Variants in KLF8 observed in about 807,000 individuals in gnomAD.
KLF8 encodes the protein Krueppel-like factor 8.
KLF8 carries 10 observed loss-of-function variants against 18.2 expected under a neutral mutation model. The ratio of observed to expected loss-of-function variants is 0.55; its 90% CI spans 0.34 to 0.93. The LOEUF is 0.93. Ranked by LOEUF, KLF8 falls within the 40% of genes least tolerant of loss-of-function variation. The probability of loss-of-function intolerance (pLI) is 0.02; values close to 1 mark genes in which losing one functional copy is unlikely to be tolerated. For synonymous variants in KLF8, 109 were observed against 97.3 expected, an observed-to-expected ratio of 1.12 and a Z score of -0.71; for missense variants, 264 against 277.9, an observed-to-expected ratio of 0.95 and a Z score of 0.36.
chrX:56,000,767 G>T, the KLF8 span, among the ~76,000 whole-genome samples: 1 of 110,378 alleles, frequency 9.1e-6, no homozygotes, highest in Non-Finnish European at 1.9e-5. Flanking sequence ...TATAAATTTT[G>T]TTTATCTTTT....
chrX:56,023,671 C>T, the KLF8 span, among the ~76,000 whole-genome samples: 1 of 110,785 alleles, frequency 9.0e-6, no homozygotes. Flanking sequence ...CACAAACACT[C>T]CTTTGATTGT....
chrX:56,159,533 G>A, the KLF8 span, among the ~76,000 whole-genome samples: 2 of 111,614 alleles, frequency 1.8e-5, no homozygotes, highest in Non-Finnish European at 1.9e-5. Flanking sequence ...TTTTTTGGTT[G>A]GTAAGCTATT....
the KLF8 span, among the ~76,000 whole-genome samples, chrX:56,103,556 G>C: frequency 2.9e-4 from 32 of 111,496 alleles, no homozygotes; most frequent in African/African-American, 1.0e-3. Context: ...TTTGCACATT[G>C]ATTTTGTATC....
At chrX:55,991,926 C>T in the KLF8 span, among the ~76,000 whole-genome samples, 4 of 111,989 alleles carry the variant, frequency 3.6e-5, no homozygotes, top group East Asian at 1.1e-3. Context: ...CTGTTCATGT[C>T]TTTTGCTCAT....
the KLF8 span, among the ~76,000 whole-genome samples, chrX:56,065,566 T>C: frequency 6.3e-5 from 7 of 111,899 alleles, no homozygotes; most frequent in African/African-American, 1.6e-4. Context: ...TCATTGGATC[T>C]GTTGCTGGAA....
At chrX:56,173,643 T>C in the KLF8 span, among the ~76,000 whole-genome samples, 1 of 111,964 alleles carries the variant, frequency 8.9e-6, no homozygotes, top group Non-Finnish European at 1.9e-5. Context: ...AAGAAAGTCA[T>C]TGGTAGCTTG....
At chrX:56,157,156 GT>G in the KLF8 span, among the ~76,000 whole-genome samples, 1 of 101,973 alleles carries the variant, frequency 9.8e-6, no homozygotes, top group Non-Finnish European at 2.0e-5. Context: ...AACATCACAT[GT>G]TCTCTCTCAT....
At chrX:56,198,265 G>A in the KLF8 span, among the ~76,000 whole-genome samples, 1 of 111,768 alleles carries the variant, frequency 8.9e-6, no homozygotes, top group Non-Finnish European at 1.9e-5. Context: ...AAGAAATTAA[G>A]GGTATTCAAT....
At chrX:56,115,031 A>G in the KLF8 span, among the ~76,000 whole-genome samples, 1 of 112,004 alleles carries the variant, frequency 8.9e-6, no homozygotes, top group Non-Finnish European at 1.9e-5. Context: ...ATAGTTATGG[A>G]TTTCCTTGAA....
the KLF8 span, among the ~76,000 whole-genome samples, chrX:56,040,800 CTTTTTTTTTTTTTTTTTTTTTTT>C: frequency 0.019 from 113 of 6,038 alleles, 2 homozygotes; most frequent in African/African-American, 0.035. Context: ...ATGATACCAG[CTTTTTTTTTTTTTTTTTTTTTTT>C]TTTTTTTTTT....
the KLF8 span, among the ~76,000 whole-genome samples, chrX:55,990,155 C>T: frequency 8.9e-6 from 1 of 111,827 alleles, no homozygotes; most frequent in Non-Finnish European, 1.9e-5. Flanking sequence ...AAAAAACCAG[C>T]TCCTGGATTC....
chrX:56,243,210 G>A, intron 1 of KLF8: 1 of 482,089 alleles, frequency 2.1e-6, no homozygotes. Flanking sequence ...TTTCTCCTGG[G>A]GGCACTCCTC....
At chrX:56,127,299 T>A in the KLF8 span, among the ~76,000 whole-genome samples, 1 of 111,611 alleles carries the variant, frequency 9.0e-6, no homozygotes, top group Non-Finnish European at 1.9e-5. Context: ...TGTGTGTCTC[T>A]TATGTTTTAA....
chrX:56,280,835 T>C (rs1460754786), intron 5 of KLF8, among the ~76,000 whole-genome samples: 1 of 112,382 alleles, frequency 8.9e-6, no homozygotes, highest in Non-Finnish European at 1.9e-5. Context: ...CCTTAGGTTT[T>C]GTTCTTATAT....
the KLF8 span, among the ~76,000 whole-genome samples, chrX:56,137,251 C>A: frequency 3.7e-5 from 4 of 109,381 alleles, 1 homozygote; most frequent in South Asian, 1.6e-3. Context: ...CATCCCATTA[C>A]TGGGTATATA....
In KLF8 at chrX:56,265,666, A is replaced by G. The variant is rs1050451843; in HGVS notation, c.568A>G (p.Thr190Ala). The G allele has an allele frequency of 2.5e-6, 3 of 1,209,976 alleles. No individual in the cohort carries two copies. The highest frequency in any genetic ancestry group is 2.2e-6 in the Non-Finnish European group (2 of 895,097). ...AGTGCAGTCTCTGCCCATGGTGTAT[A>G]CTACTTTGCCTGCAGATGGGGGCCC... ...VVVQSLPMVY[T>A]TLPADGGPAA... Residue 190 changes from threonine (T) to alanine (A), a missense_variant, in exon 3 of 6, where the codon ACT becomes GCT. By Grantham distance (58) the Thr-to-Ala change is moderately conservative. Coordinates refer to ENST00000468660, the MANE Select transcript of KLF8 (RefSeq NM_007250.5).
chrX:56,204,699 T>G, the KLF8 span, among the ~76,000 whole-genome samples: 3 of 111,461 alleles, frequency 2.7e-5, no homozygotes, highest in African/African-American at 9.8e-5. Context: ...GCTTTTCTCC[T>G]TCATTTTTTT....
the KLF8 span, among the ~76,000 whole-genome samples, chrX:55,958,874 C>A: frequency 1.8e-5 from 2 of 112,359 alleles, no homozygotes; most frequent in Admixed American, 9.4e-5. Context: ...ATCAGGCAGA[C>A]CTGCAGTCAC....
chrX:56,256,310 G>C (rs368570012), intron 2 of KLF8, among the ~76,000 whole-genome samples: 70 of 110,740 alleles, frequency 6.3e-4, no homozygotes, highest in African/African-American at 2.2e-3. Flanking sequence ...TGTCAATTTT[G>C]TTTAACTTTT....
Sources: allele counts gnomAD v4.1 joint callset (sites outside exome capture counted in the v4.1 genomes callset), GRCh38; gene constraint gnomAD v4.1.1; transcripts MANE v1.5; gene names NCBI Gene and HGNC (gene_info 2026-07-23, HGNC 2026-07-21).